Variants in PPP1R12B observed in about 807,000 individuals in gnomAD.
PPP1R12B encodes myosin phosphatase target subunit 2.
PPP1R12B carries 76 observed loss-of-function variants against 126.1 expected under a neutral mutation model. The observed-to-expected ratio is 0.60, with a 90% CI of 0.50 to 0.73. PPP1R12B has a LOEUF of 0.73. Among genes scored for constraint, PPP1R12B ranks in the 30% least tolerant of loss-of-function variants. PPP1R12B has a pLI of 0.00. For synonymous variants in PPP1R12B, 356 were observed against 434.7 expected, an observed-to-expected ratio of 0.82 and a Z score of 2.25; for missense variants, 1,052 against 1,205.1, an observed-to-expected ratio of 0.87 and a Z score of 1.88.
chr1:202,536,659 C>T (rs1022172231), intron 18 of PPP1R12B, among the ~76,000 whole-genome samples: 56 of 152,098 alleles, frequency 3.7e-4, no homozygotes, highest in Middle Eastern at 3.2e-3. Flanking sequence ...TTACTTTATA[C>T]GTTTTTAAAA....
intron 1 of PPP1R12B, among the ~76,000 whole-genome samples, chr1:202,396,531 C>T (rs745998440): frequency 1.8e-4 from 28 of 152,076 alleles, no homozygotes; most frequent in Non-Finnish European, 3.7e-4. Context: ...TATTATTGCT[C>T]CTACCACTAC....
At chr1:202,382,025 A>G (rs990779997) in intron 1 of PPP1R12B, among the ~76,000 whole-genome samples, 1 of 152,126 alleles carries the variant, frequency 6.6e-6, no homozygotes, top group Non-Finnish European at 1.5e-5. Flanking sequence ...AACCAACCCA[A>G]ATGTCCAACA....
chr1:202,439,212 C>T, intron 10 of PPP1R12B: 2 of 1,448,108 alleles, frequency 1.4e-6, no homozygotes, highest in Non-Finnish European at 9.7e-7. Context: ...GCCCTGTGCT[C>T]CTGCAGCCTC....
chr1:202,436,268 A>AAAC (rs374800665), intron 9 of PPP1R12B, among the ~76,000 whole-genome samples: 7,707 of 151,556 alleles, frequency 0.051, 420 homozygotes, highest in African/African-American at 0.14. Context: ...CGTGTCTCAA[A>AAAC]AACAACAACA....
intron 18 of PPP1R12B, among the ~76,000 whole-genome samples, chr1:202,516,717 A>G (rs1682188572): frequency 6.6e-6 from 1 of 152,170 alleles, no homozygotes; most frequent in Non-Finnish European, 1.5e-5. Flanking sequence ...GATTCCATCT[A>G]AATTGTTTTC....
chr1:202,441,615 C>G (rs1671628913), intron 11 of PPP1R12B, among the ~76,000 whole-genome samples: 1 of 152,148 alleles, frequency 6.6e-6, no homozygotes, highest in Non-Finnish European at 1.5e-5. Flanking sequence ...AGCATGGAAA[C>G]CCATAGGTTT....
At chr1:202,510,478 A>G (rs1194972602) in intron 18 of PPP1R12B, among the ~76,000 whole-genome samples, 3 of 152,194 alleles carry the variant, frequency 2.0e-5, no homozygotes, top group Non-Finnish European at 4.4e-5. Flanking sequence ...TCCTAGAGGT[A>G]TAATGTTTAG....
chr1:202,469,496 C>T (rs1675543024), intron 13 of PPP1R12B, among the ~76,000 whole-genome samples: 1 of 152,030 alleles, frequency 6.6e-6, no homozygotes, highest in Admixed American at 6.5e-5. Context: ...AAAAAATTTT[C>T]CTTATGCTAG....
At chr1:202,405,104 A>G (rs1666412009) in intron 1 of PPP1R12B, among the ~76,000 whole-genome samples, 2 of 151,988 alleles carry the variant, frequency 1.3e-5, no homozygotes, top group African/African-American at 2.4e-5. Flanking sequence ...CAAATTCTTA[A>G]CCTGTTCTTT....
chr1:202,493,968 A>G (rs1211136797), intron 15 of PPP1R12B, among the ~76,000 whole-genome samples: 1 of 152,216 alleles, frequency 6.6e-6, no homozygotes, highest in Non-Finnish European at 1.5e-5. Flanking sequence ...AGTTGGTAGT[A>G]AAAGGTATAA....
chr1:202,580,412 C>A, intron 23 of PPP1R12B, 62 bp from the exon 24 acceptor site: 2 of 1,373,380 alleles, frequency 1.5e-6, no homozygotes, highest in South Asian at 2.3e-5. Context: ...CTGGCCTGGT[C>A]AGGGAGGGCC....
At chr1:202,441,783 A>C (rs1671647896) in intron 11 of PPP1R12B, among the ~76,000 whole-genome samples, 1 of 151,756 alleles carries the variant, frequency 6.6e-6, no homozygotes, top group South Asian at 2.1e-4. Flanking sequence ...AGACTTCTTC[A>C]TCTTCCCCCA....
chr1:202,438,472 G>A (rs1671138598), intron 10 of PPP1R12B: 4 of 417,568 alleles, frequency 9.6e-6, no homozygotes, highest in Non-Finnish European at 1.8e-5. Flanking sequence ...GGACTTCAAG[G>A]TGCTGGATGG....
At chr1:202,438,639 G>A (rs368398386) in intron 10 of PPP1R12B, 128 of 530,352 alleles carry the variant, frequency 2.4e-4, no homozygotes, top group African/African-American at 1.9e-3. Flanking sequence ...CCCTGGCCCC[G>A]GAAGCAGCTG....
At chr1:202,510,717 A>G (rs1681367938) in intron 18 of PPP1R12B, among the ~76,000 whole-genome samples, 1 of 152,052 alleles carries the variant, frequency 6.6e-6, no homozygotes, top group Non-Finnish European at 1.5e-5. Flanking sequence ...TTGATGAGCC[A>G]TTATATGTCA....
rs965704921 is a variant in PPP1R12B, at chr1:202,592,430, G to C, written c.*11870G>C. 5 of 152,444 alleles carry C rather than the reference G, an allele frequency of 3.3e-5. No individual in the cohort carries two copies. Among genetic ancestry groups the C allele is most frequent in the Non-Finnish European group, 5.9e-5 (4 of 68,040 alleles). 9.4% of individuals were successfully genotyped at this position (152,444 alleles called of 1,614,324 possible). Reference sequence around the variant, plus strand: ...GGGCTGGGGAACAAAGACTTTACACGACATAAAATCAAAGGAGCAGCCTCA... The same window carrying C: ...GGGCTGGGGAACAAAGACTTTACACCACATAAAATCAAAGGAGCAGCCTCA... On this transcript the variant is annotated 3_prime_UTR_variant, in exon 24 of 24. Coordinates refer to ENST00000608999, the MANE Select transcript of PPP1R12B (RefSeq NM_002481.4).
chr1:202,523,224 A>G (rs1450584953), intron 18 of PPP1R12B, among the ~76,000 whole-genome samples: 1 of 152,228 alleles, frequency 6.6e-6, no homozygotes, highest in African/African-American at 2.4e-5. Context: ...TGACCTGTTG[A>G]AGTGTACATT....
chr1:202,540,215 C>G, intron 18 of PPP1R12B: 2 of 1,609,392 alleles, frequency 1.2e-6, no homozygotes, highest in Non-Finnish European at 1.7e-6. Flanking sequence ...CCCAGCATCT[C>G]CCTCCCCGAC....
chr1:202,559,665 C>CT (rs1687319937), intron 19 of PPP1R12B, among the ~76,000 whole-genome samples: 1 of 152,130 alleles, frequency 6.6e-6, no homozygotes, highest in Non-Finnish European at 1.5e-5. Context: ...AGTTATGGGA[C>CT]TATAGGCCAA....
Sources: allele counts gnomAD v4.1 joint callset (sites outside exome capture counted in the v4.1 genomes callset), GRCh38; gene constraint gnomAD v4.1.1; transcripts MANE v1.5; gene names NCBI Gene and HGNC (gene_info 2026-07-23, HGNC 2026-07-21).